THRB: variants seen among roughly 807,000 people sequenced by gnomAD.
The protein encoded by THRB is nuclear receptor subfamily 1 group A member 2.
A neutral mutation model predicts 47.8 loss-of-function variants in THRB; 12 were observed. That is an observed-to-expected ratio of 0.25 (90% CI 0.16 to 0.41). THRB has a LOEUF of 0.41. THRB is among the 10% of genes least tolerant of loss of function. The pLI, the probability that THRB is intolerant of heterozygous loss-of-function variation, is 1.00. For synonymous variants in THRB, 218 were observed against 212.2 expected (o/e 1.03, Z -0.24); for missense variants, 348 against 589.2 (o/e 0.59, Z 4.24).
intron 2 of THRB, among the ~76,000 whole-genome samples, chr3:24,335,635 C>T (rs1459989742): frequency 1.3e-5 from 2 of 152,102 alleles, no homozygotes; most frequent in Non-Finnish European, 2.9e-5. Context: ...TAGAAAATTC[C>T]CTCATGCCCC....
intron 1 of THRB, among the ~76,000 whole-genome samples, chr3:24,462,887 C>A (rs1166931173): frequency 1.3e-5 from 2 of 152,160 alleles, no homozygotes; most frequent in Admixed American, 6.5e-5. Flanking sequence ...AGGCACCCAG[C>A]TGAGAGGAAC....
At chr3:24,238,300 G>GGTGTGTATGT (rs71057661) in intron 3 of THRB, among the ~76,000 whole-genome samples, 8,180 of 125,216 alleles carry the variant, frequency 0.065, 582 homozygotes, top group Non-Finnish European at 0.1. Context: ...GGGTGTGTGG[G>GGTGTGTATGT]GTGTGTGTGT....
chr3:24,138,522 A>G (rs2034998693), intron 8 of THRB, among the ~76,000 whole-genome samples: 1 of 152,174 alleles, frequency 6.6e-6, no homozygotes, highest in East Asian at 1.9e-4. Context: ...GCATAAGGCA[A>G]CTGAGCCTGA....
In THRB at chr3:24,412,993, C is replaced by A. The variant is rs536059702; in HGVS notation, c.-260-75622G>T. ...CCACTTATCAATTTACCAAAAAAAA[C>A]TTTAAATACAAAGGAGCAGTTAAAG... On this transcript the variant is annotated intron_variant, in intron 1 of 10. Transcript: ENST00000646209. 4.5e-4 allele frequency among the ~76,000 whole-genome samples: 68 copies of A among 151,708 alleles called. 1 individual carries two copies. Among genetic ancestry groups the A allele is most frequent in the African/African-American group, 1.6e-3 (68 of 41,462 alleles).
At position 24,268,622 on chromosome 3, in the gene THRB, G is replaced by A. The variant is rs181196311; in HGVS notation, c.-43+28604C>T. 1.1e-3 allele frequency among the ~76,000 whole-genome samples: 161 copies of A among 152,210 alleles called. 2 individuals carry two copies. The highest frequency in any genetic ancestry group is 0.01 in the Admixed American group (154 of 15,290). ...CACATTTTAAAATGGCATTTATAAT[G>A]TGATCCTATATTTATAAAACTATTT... On this transcript the variant is annotated intron_variant, in intron 3 of 10. Coordinates refer to ENST00000646209, the MANE Select transcript of THRB (RefSeq NM_001354712.2).
chr3:24,282,626 G>A (rs1103381), intron 3 of THRB, among the ~76,000 whole-genome samples: 102,736 of 137,110 alleles, frequency 0.75, 39,470 homozygotes, highest in African/African-American at 0.92. Context: ...AAACCCTTCA[G>A]AAAGTTAACG....
rs113500865 is a variant in THRB, at chr3:24,223,081, G to A, written c.22+5857C>T. ...CATTCTGCATCGTTGCTCTCCTTTG[G>A]CTTCTGTTATTACTTCATCTACACC... On this transcript the variant is annotated intron_variant, in intron 4 of 10. Coordinates refer to ENST00000646209, the MANE Select transcript of THRB (RefSeq NM_001354712.2). Among the ~76,000 whole-genome samples the A allele has an allele frequency of 6.2e-3, 946 of 152,146 alleles. 4 individuals carry two copies. The highest frequency in any genetic ancestry group is 0.021 in the African/African-American group (860 of 41,484).
intron 1 of THRB, among the ~76,000 whole-genome samples, chr3:24,464,113 GC>G (rs1302699903): frequency 1.3e-5 from 2 of 152,086 alleles, no homozygotes; most frequent in Non-Finnish European, 2.9e-5. Context: ...GGGCGAGGTG[GC>G]AGGCACCTGT....
upstream of THRB, chr3:24,494,913 T>G (rs1220824410): frequency 1.3e-5 from 2 of 151,758 alleles, no homozygotes; most frequent in African/African-American, 2.4e-5. Context: ...GGCGGCGGGG[T>G]CCCGGGGAGC....
At chr3:24,125,335 C>G (rs748986286) in intron 10 of THRB, among the ~76,000 whole-genome samples, 1 of 152,158 alleles carries the variant, frequency 6.6e-6, no homozygotes, top group Non-Finnish European at 1.5e-5. Context: ...AGCACCACAC[C>G]GAATCTCTCT....
chr3:24,315,555 G>A (rs772033742), intron 2 of THRB, among the ~76,000 whole-genome samples: 1 of 152,176 alleles, frequency 6.6e-6, no homozygotes, highest in Non-Finnish European at 1.5e-5. Context: ...TCAGGATTCT[G>A]CACTGTGCCT....
intron 6 of THRB, among the ~76,000 whole-genome samples, chr3:24,150,739 C>A (rs1426498122): frequency 6.6e-6 from 1 of 152,046 alleles, no homozygotes; most frequent in Non-Finnish European, 1.5e-5. Flanking sequence ...AAATTGAATT[C>A]CATATTAAAT....
chr3:24,414,388 A>G (rs577370081), intron 1 of THRB, among the ~76,000 whole-genome samples: 2 of 152,018 alleles, frequency 1.3e-5, no homozygotes, highest in African/African-American at 4.8e-5. Context: ...CTCCTTCCTG[A>G]GTCCTTCCAG....
At chr3:24,468,678 C>T (rs1024802009) in intron 1 of THRB, among the ~76,000 whole-genome samples, 12 of 152,070 alleles carry the variant, frequency 7.9e-5, no homozygotes, top group African/African-American at 2.7e-4. Context: ...GTATGGGTGT[C>T]GTTTGTACTG....
intron 2 of THRB, among the ~76,000 whole-genome samples, chr3:24,315,741 C>T (rs956629738): frequency 6.6e-6 from 1 of 152,184 alleles, no homozygotes; most frequent in Non-Finnish European, 1.5e-5. Flanking sequence ...CTTTACTCTC[C>T]TCTCAACTCC....
chr3:24,410,850 G>T (rs1044202167), intron 1 of THRB, among the ~76,000 whole-genome samples: 1 of 151,822 alleles, frequency 6.6e-6, no homozygotes, highest in African/African-American at 2.4e-5. Flanking sequence ...TTGCCTGAAT[G>T]ATCTATGTTG....
At chr3:24,269,226 A>T (rs1367766083) in intron 3 of THRB, among the ~76,000 whole-genome samples, 1 of 151,946 alleles carries the variant, frequency 6.6e-6, no homozygotes, top group African/African-American at 2.4e-5. Context: ...TACTAATGTT[A>T]TCTCAGGAAA....
chr3:24,261,192 T>C (rs2051941228), intron 3 of THRB, among the ~76,000 whole-genome samples: 1 of 108,954 alleles, frequency 9.2e-6, no homozygotes, highest in Non-Finnish European at 1.8e-5. Context: ...AAACATGTTA[T>C]TTCCTGAATC....
At chr3:24,359,375 C>T (rs548789670) in intron 1 of THRB, among the ~76,000 whole-genome samples, 1 of 152,078 alleles carries the variant, frequency 6.6e-6, no homozygotes, top group South Asian at 2.1e-4. Flanking sequence ...ACTGAGGCTC[C>T]AAAAGCAGGT....
Sources: gnomAD v4.1 joint callset for allele counts (sites outside exome capture counted in the v4.1 genomes callset) on GRCh38, gnomAD v4.1.1 for gene constraint, MANE v1.5 for transcripts, NCBI Gene and HGNC (gene_info 2026-07-23, HGNC 2026-07-21) for gene names.